The following DNM2 variants were observed in gnomAD, a reference collection of about 807,000 sequenced individuals.
The protein encoded by DNM2 is dynamin 2.
A neutral mutation model predicts 99.0 loss-of-function variants in DNM2; 15 were observed. The observed-to-expected ratio is 0.15, with a 90% CI of 0.10 to 0.23. DNM2 has a LOEUF of 0.23. Among genes scored for constraint, DNM2 ranks in the 10% least tolerant of loss-of-function variants. The pLI is 1.00. For synonymous variants in DNM2, 525 were observed against 481.2 expected (o/e 1.09, Z -1.19); for missense variants, 742 against 1,189.4 (o/e 0.62, Z 5.53).
rs2070759242 is a variant in DNM2, at chr19:10,765,176, T to G, written c.235+5365T>G. On this transcript the variant is annotated intron_variant, in intron 2 of 20. Coordinates refer to ENST00000389253, the MANE Select transcript of DNM2 (RefSeq NM_001005361.3). The surrounding 1 kb of genome is among the most constrained non-coding windows in gnomAD (Gnocchi z 4.4). The stretch of plus-strand genomic sequence containing the variant: ...GGTTTCACCGTGTTAGCCAGGATGG[T>G]CTCGATCTCCTGACCTCGTGATCCG... Among the ~76,000 whole-genome samples the G allele has an allele frequency of 6.6e-6, 1 of 152,098 alleles. No homozygotes were observed. The highest frequency in any genetic ancestry group is 1.5e-5 in the Non-Finnish European group (1 of 68,012).
chr19:10,777,242 G>A (rs1283394239), intron 5 of DNM2, 26 bp downstream of exon 5: 1 of 1,610,028 alleles, frequency 6.2e-7, no homozygotes, highest in Admixed American at 1.7e-5. Flanking sequence ...TGCTGGGGAA[G>A]CAGGAGGATG....
Position 10,795,396 on chromosome 19 carries a change from C to G in DNM2, c.1153C>G (p.Arg385Gly). The change falls in exon 9 of 21, where the codon CGA becomes GGA. Residue 385 changes from arginine (R) to glycine (G), a missense_variant. Physicochemically the swap from Arg to Gly is moderately radical, Grantham distance 125 (BLOSUM62 -2). Coordinates refer to ENST00000389253, the MANE Select transcript of DNM2 (RefSeq NM_001005361.3). The surrounding 1 kb of genome is among the most constrained non-coding windows in gnomAD (Gnocchi z 4.2). ...VKMEFDEKDLRREISYAIKNI... is the reference protein window; with the variant it reads ...VKMEFDEKDLGREISYAIKNI... ...GATGGAGTTTGACGAGAAGGACTTA[C>G]GACGGGAGATCAGCTATGCCATTAA... 1 of 1,614,092 alleles carries G rather than the reference C, an allele frequency of 6.2e-7. No individual in the cohort carries two copies. Among genetic ancestry groups the G allele is most frequent in the Non-Finnish European group, 8.5e-7 (1 of 1,180,010 alleles).
rs556085391 is a variant in DNM2, at chr19:10,817,374, C to T, written c.1672-2606C>T. On this transcript the variant is annotated intron_variant, in intron 15 of 20. Transcript: ENST00000389253. The surrounding 1 kb of genome is among the most constrained non-coding windows in gnomAD (Gnocchi z 4.6). Reference sequence around the variant, plus strand: ...ACGGGGTGGTGGAAAATGACACTCACCTGCCGGCGAGTTTGGGGGGCCTGT... The same window carrying T: ...ACGGGGTGGTGGAAAATGACACTCATCTGCCGGCGAGTTTGGGGGGCCTGT... 2.1e-6 allele frequency: 1 copy of T among 478,050 alleles called. No homozygotes were observed. Among genetic ancestry groups the T allele is most frequent in the East Asian group, 6.6e-5 (1 of 15,060 alleles). The allele number at this position is 478,050 out of a possible 1,614,324, so 29.6% of individuals were successfully genotyped here.
chr19:10,807,476 G>A (rs967783278), intron 13 of DNM2, among the ~76,000 whole-genome samples: 4 of 149,438 alleles, frequency 2.7e-5, no homozygotes, highest in Non-Finnish European at 5.9e-5. Context: ...TCCTGACCTG[G>A]TGATCCACCC....
Position 10,734,948 on chromosome 19 carries a change from G to A in DNM2, c.161+16545G>A, listed in dbSNP as rs80069220. On this transcript the variant is annotated intron_variant, in intron 1 of 20. Transcript: ENST00000389253. The stretch of plus-strand genomic sequence containing the variant: ...ATGTCCCTCAATTAGGGCTTATCTG[G>A]AATTCTTCATGGTGAGCCTGGGGTG... Among the ~76,000 whole-genome samples, 1,058 of 151,646 alleles carry A rather than the reference G, an allele frequency of 7.0e-3. 58 individuals carry two copies. The East Asian group carries it at 0.15, about 21-fold the overall frequency.
chr19:10,718,216 G>A lies in DNM2; in HGVS notation c.-27G>A, dbSNP rs1599402351. 6 of 1,449,392 alleles carry A rather than the reference G, an allele frequency of 4.1e-6. No individual in the cohort carries two copies. Among genetic ancestry groups the A allele is most frequent in the Non-Finnish European group, 5.5e-6 (6 of 1,097,812 alleles). The allele number at this position is 1,449,392 out of a possible 1,614,324, so 89.8% of individuals were successfully genotyped here. A position where few individuals can be genotyped will look rare whatever the true frequency, so the allele number is the denominator to read the frequency against. On this transcript the variant is annotated 5_prime_UTR_variant, in exon 1 of 21. Coordinates refer to ENST00000389253, the MANE Select transcript of DNM2 (RefSeq NM_001005361.3). ...GTCGGCGGCGGGCGAGGAGCGCAGG[G>A]CGCTCGGGCCGGGGGCCGCCGGCGC...
chr19:10,772,173 G>A lies in DNM2; in HGVS notation c.236-306G>A, dbSNP rs557131671. 2.6e-5 allele frequency among the ~76,000 whole-genome samples: 4 copies of A among 151,738 alleles called. No individual in the cohort carries two copies. Among genetic ancestry groups the A allele is most frequent in the Admixed American group, 1.3e-4 (2 of 15,210 alleles). On this transcript the variant is annotated intron_variant, in intron 2 of 20. Transcript: ENST00000389253. This position sits in a 1 kb window ranked among gnomAD's most constrained non-coding sequence, Gnocchi z 4.9. ...CGGCTCACTACAACCTCCGCCTCCC[G>A]GGTTCAAGCAATTATCCTGCCTCAG...
At position 10,795,248 on chromosome 19, in the gene DNM2, G is replaced by A; in HGVS notation, c.1129-124G>A. 1 of 903,472 alleles carries A rather than the reference G, an allele frequency of 1.1e-6. No homozygotes were observed. The highest frequency in any genetic ancestry group is 1.8e-6 in the Non-Finnish European group (1 of 553,168). 56.0% of individuals were successfully genotyped at this position (903,472 alleles called of 1,614,324 possible). ...TTTTCAATTTTTTAAATAAAATTTT[G>A]ACGAGTTAAATATTCTGCCTTGTGA... is the stretch of plus-strand genomic sequence containing the variant. On this transcript the variant is annotated intron_variant, in intron 8 of 20. Coordinates refer to ENST00000389253, the MANE Select transcript of DNM2 (RefSeq NM_001005361.3). The surrounding 1 kb of genome is among the most constrained non-coding windows in gnomAD (Gnocchi z 4.2).
chr19:10,772,621 G>A lies in DNM2; in HGVS notation c.378G>A (p.Ser126=), dbSNP rs757313967. The part of the protein sequence containing the change: ...SPVPINLRVY[S]PHVLNLTLID... ...TGCCCATCAACCTTCGAGTCTACTC[G>A]CCACACGGTAGGCAGCACGGGTGGG... Residue 126 remains serine (S), a synonymous_variant, in exon 3 of 21, where the codon TCG becomes TCA. Transcript: ENST00000389253. This position sits in a 1 kb window ranked among gnomAD's most constrained non-coding sequence, Gnocchi z 4.9. 5.0e-6 allele frequency: 8 copies of A among 1,614,104 alleles called. No individual in the cohort carries two copies. Among genetic ancestry groups the A allele is most frequent in the East Asian group, 2.2e-5 (1 of 44,880 alleles).
Position 10,796,250 on chromosome 19 carries a change from G to A in DNM2, c.1196+811G>A, listed in dbSNP as rs764680800. On this transcript the variant is annotated intron_variant, in intron 9 of 20. Coordinates refer to ENST00000389253, the MANE Select transcript of DNM2 (RefSeq NM_001005361.3). This position sits in a 1 kb window ranked among gnomAD's most constrained non-coding sequence, Gnocchi z 5.6. ...CCTGACCTTGTGGAAACGGGGGTAC[G>A]GGGGTTTGGTATCAGGCTCCCAGCG... is the stretch of plus-strand genomic sequence containing the variant. 32 of 1,612,362 alleles carry A rather than the reference G, an allele frequency of 2.0e-5. No individual in the cohort carries two copies. The highest frequency in any genetic ancestry group is 2.5e-5 in the Non-Finnish European group (30 of 1,179,710).
In DNM2 at chr19:10,796,247, T is replaced by A. The variant is rs1448206448; in HGVS notation, c.1196+808T>A. The A allele has an allele frequency of 6.2e-7, 1 of 1,612,586 alleles. No individual in the cohort carries two copies. The highest frequency in any genetic ancestry group is 8.5e-7 in the Non-Finnish European group (1 of 1,179,802). ...ACTCCTGACCTTGTGGAAACGGGGG[T>A]ACGGGGGTTTGGTATCAGGCTCCCA... On this transcript the variant is annotated intron_variant, in intron 9 of 20. Coordinates refer to ENST00000389253, the MANE Select transcript of DNM2 (RefSeq NM_001005361.3). The surrounding 1 kb of genome is among the most constrained non-coding windows in gnomAD (Gnocchi z 5.6).
Position 10,802,348 on chromosome 19 carries a change from G to A in DNM2, c.1483G>A (p.Gly495Arg), listed in dbSNP as rs772840253. 2 of 1,614,134 alleles carry A rather than the reference G, an allele frequency of 1.2e-6. No homozygotes were observed. The highest frequency in any genetic ancestry group is 1.1e-5 in the South Asian group (1 of 91,080). Residue 495 changes from glycine to arginine, a missense_variant, in exon 12 of 21, where the codon GGG becomes AGG. Physicochemically the swap from Gly to Arg is moderately radical, Grantham distance 125. This residue lies in a region of DNM2 where 240 missense variants were observed against 431.3 expected (regional missense o/e 0.56). Coordinates refer to ENST00000389253, the MANE Select transcript of DNM2 (RefSeq NM_001005361.3). Reference sequence around the variant, plus strand: ...CAACACGAACCATGAGGACTTCATCGGGTTTGCCAAGTAGGTACTTTTAGA... The same window carrying A: ...CAACACGAACCATGAGGACTTCATCAGGTTTGCCAAGTAGGTACTTTTAGA... ...YINTNHEDFI[G>R]FANAQQRSTQ...
rs991273922 is a variant in DNM2, at chr19:10,816,565, G to T, written c.1672-3415G>T. On this transcript the variant is annotated intron_variant, in intron 15 of 20. Transcript: ENST00000389253. The surrounding 1 kb of genome is among the most constrained non-coding windows in gnomAD (Gnocchi z 4.6). The stretch of plus-strand genomic sequence containing the variant: ...CCAGATCGGATGGCTCCTCAAAATG[G>T]CTGGGGTGGGGTAGGGTGCCCTTTC... Among the ~76,000 whole-genome samples, 1 of 152,076 alleles carries T rather than the reference G, an allele frequency of 6.6e-6. No individual in the cohort carries two copies. The highest frequency in any genetic ancestry group is 1.5e-5 in the Non-Finnish European group (1 of 67,994).
chr19:10,813,928 T>A (rs1403702539), intron 15 of DNM2, among the ~76,000 whole-genome samples: 1 of 151,902 alleles, frequency 6.6e-6, no homozygotes, highest in Non-Finnish European at 1.5e-5. Flanking sequence ...TCTGGGAGGC[T>A]GAGGTGGGTG....
rs539719540 is a variant in DNM2, at chr19:10,821,415, G to A, written c.1781+1326G>A. Among the ~76,000 whole-genome samples, 31 of 152,292 alleles carry A rather than the reference G, an allele frequency of 2.0e-4. No individual in the cohort carries two copies. The East Asian group carries it at 5.8e-3, about 28-fold the overall frequency. ...TTGTGTAAATTAAGTCCAGACTTTA[G>A]TATCCCGGGCAAAGTGGAGCAGCTC... On this transcript the variant is annotated intron_variant, in intron 16 of 20. Transcript: ENST00000389253.
In DNM2 at chr19:10,782,506, G is replaced by A. The variant is rs1308765567; in HGVS notation, c.689-454G>A. Among the ~76,000 whole-genome samples the A allele has an allele frequency of 3.3e-5, 5 of 151,892 alleles. 1 individual carries two copies. The highest frequency in any genetic ancestry group is 4.1e-4 in the South Asian group (2 of 4,822). ...CCCGAGTACCTGGGACTATAGTCAC[G>A]CGCCACCATGCACGGCTAATTTTTT... is the stretch of plus-strand genomic sequence containing the variant. On this transcript the variant is annotated intron_variant, in intron 5 of 20. Transcript: ENST00000389253.
Position 10,812,433 on chromosome 19 carries a change from C to A in DNM2, c.1671+56C>A. ...GGTAGGTGGGGCAGCCAGGGAAGAG[C>A]GGGTGGGCGCTCCCTCTGGGCAGAA... On this transcript the variant is annotated intron_variant, in intron 15 of 20. Coordinates refer to ENST00000389253, the MANE Select transcript of DNM2 (RefSeq NM_001005361.3). The surrounding 1 kb of genome is among the most constrained non-coding windows in gnomAD (Gnocchi z 4.0). 1 of 1,432,052 alleles carries A rather than the reference C, an allele frequency of 7.0e-7. No homozygotes were observed. Among genetic ancestry groups the A allele is most frequent in the Non-Finnish European group, 9.6e-7 (1 of 1,041,814 alleles). 88.7% of individuals were successfully genotyped at this position (1,432,052 alleles called of 1,614,324 possible).
Position 10,812,204 on chromosome 19 carries a change from G to C in DNM2, c.1558-60G>C. 2.1e-6 allele frequency: 3 copies of C among 1,451,936 alleles called. No individual in the cohort carries two copies. Among genetic ancestry groups the C allele is most frequent in the African/African-American group, 2.8e-5 (2 of 70,962 alleles). 89.9% of individuals were successfully genotyped at this position (1,451,936 alleles called of 1,614,324 possible). ...ACTGAGCTGTGGGCAAGGCTGCTGC[G>C]CTGGGGGATGGCTGGGGCACGGAGC... On this transcript the variant is annotated intron_variant, in intron 14 of 20. Transcript: ENST00000389253. This position sits in a 1 kb window ranked among gnomAD's most constrained non-coding sequence, Gnocchi z 4.0.
intron 6 of DNM2, among the ~76,000 whole-genome samples, chr19:10,785,868 T>C (rs951861287): frequency 6.6e-6 from 1 of 152,054 alleles, no homozygotes; most frequent in Non-Finnish European, 1.5e-5. Context: ...TGGAGTGCCA[T>C]TGTGTGATCT....
Sources: gnomAD v4.1 joint callset for allele counts (sites outside exome capture counted in the v4.1 genomes callset) on GRCh38, gnomAD v4.1.1 for gene constraint, gnomAD v4.1.1 regional missense constraint, Gnocchi (gnomAD v3.1) non-coding constraint, MANE v1.5 for transcripts, NCBI Gene and HGNC (gene_info 2026-07-23, HGNC 2026-07-21) for gene names.